HSP90AA1: variants seen among roughly 807,000 people sequenced by gnomAD.
HSP90AA1 encodes the protein heat shock protein 90 alpha family class A member 1, also known as heat shock protein HSP 90-alpha.
Under a neutral mutation model 73.3 loss-of-function variants are expected in HSP90AA1, and 18 were observed. That is an observed-to-expected ratio of 0.25 (90% confidence interval 0.17 to 0.36). HSP90AA1 has a LOEUF of 0.36. HSP90AA1 is among the 10% of genes least tolerant of loss of function. The probability of loss-of-function intolerance (pLI) is 1.00; values close to 1 mark genes in which losing one functional copy is unlikely to be tolerated. For missense variants in HSP90AA1, 704 were observed against 874.2 expected, an observed-to-expected ratio of 0.81 and a Z score of 2.45; for synonymous variants, 477 against 296.9, an observed-to-expected ratio of 1.61 and a Z score of -6.24.
chr14:102,117,254 G>C (rs1281441659), intron 1 of HSP90AA1, among the ~76,000 whole-genome samples: 1 of 152,078 alleles, frequency 6.6e-6, no homozygotes, highest in Non-Finnish European at 1.5e-5. Flanking sequence ...GAAAGGGGTG[G>C]GTCCCCAGTG....
chr14:102,090,698 G>A (rs1452727113), upstream of HSP90AA1, among the ~76,000 whole-genome samples: 8 of 152,160 alleles, frequency 5.3e-5, no homozygotes, highest in South Asian at 8.3e-4. Flanking sequence ...TGATCCGCCC[G>A]CCTTGGCCTC....
intron 1 of HSP90AA1, 24 bp downstream of exon 1, chr14:102,086,962 C>G: frequency 3.0e-6 from 3 of 983,812 alleles, no homozygotes; most frequent in Non-Finnish European, 3.6e-6. Flanking sequence ...TCCACCTCCA[C>G]AGGCCCCCAC....
intron 2 of HSP90AA1, 33 bp downstream of exon 2, chr14:102,086,184 C>A (rs760492871): frequency 6.2e-7 from 1 of 1,614,090 alleles, no homozygotes; most frequent in East Asian, 2.2e-5. Context: ...ACACTGAAAC[C>A]AAAATCCGAT....
upstream of HSP90AA1, among the ~76,000 whole-genome samples, chr14:102,088,822 A>G (rs1412999463): frequency 6.6e-6 from 1 of 151,560 alleles, no homozygotes; most frequent in Non-Finnish European, 1.5e-5. Context: ...AACTTTTCCT[A>G]CCGCAGTTTC....
At chr14:102,130,074 G>A (rs888393702) in intron 1 of HSP90AA1, among the ~76,000 whole-genome samples, 10 of 151,678 alleles carry the variant, frequency 6.6e-5, no homozygotes, top group African/African-American at 2.4e-4. Context: ...GGGTTCAAGC[G>A]ATTCTCCTGC....
At chr14:102,106,537 ATTTTTTT>A (rs10562409) in intron 1 of HSP90AA1, among the ~76,000 whole-genome samples, 2 of 79,810 alleles carry the variant, frequency 2.5e-5, no homozygotes, top group African/African-American at 9.7e-5. Context: ...TGTTGAGCTA[ATTTTTTT>A]TTTTTTTTTT....
chr14:102,092,135 C>T (rs1382638247), intron 2 of HSP90AA1, among the ~76,000 whole-genome samples: 1 of 151,382 alleles, frequency 6.6e-6, no homozygotes, highest in African/African-American at 2.4e-5. Context: ...GTCGCGTGCT[C>T]TTGGCTCACT....
intron 3 of HSP90AA1, 111 bp from the exon 4 acceptor site, chr14:102,085,542 G>A (rs1385452309): frequency 6.4e-6 from 8 of 1,251,992 alleles, no homozygotes; most frequent in Middle Eastern, 1.8e-4. Context: ...TACTACAGAT[G>A]CAAAGGCCAC....
At chr14:102,139,703 G>A (rs1402954786), upstream of HSP90AA1, 18 of 702,672 alleles carry the variant, frequency 2.6e-5, no homozygotes, top group Non-Finnish European at 3.9e-5. Flanking sequence ...GGAGCCTGCG[G>A]ACGCCCAGTC....
chr14:102,136,132 T>C (rs2089333250), intron 1 of HSP90AA1, among the ~76,000 whole-genome samples: 1 of 152,242 alleles, frequency 6.6e-6, no homozygotes, highest in Non-Finnish European at 1.5e-5. Flanking sequence ...GACAAAAGAA[T>C]ATGTAATGTC....
intron 2 of HSP90AA1, among the ~76,000 whole-genome samples, chr14:102,097,388 G>A (rs2049439322): frequency 6.6e-6 from 1 of 151,898 alleles, no homozygotes; most frequent in Non-Finnish European, 1.5e-5. Flanking sequence ...AGGGATTGTG[G>A]ATTGTGGACA....
intron 1 of HSP90AA1, among the ~76,000 whole-genome samples, chr14:102,111,815 C>T (rs1377434531): frequency 1.3e-5 from 2 of 152,182 alleles, no homozygotes; most frequent in Non-Finnish European, 2.9e-5. Flanking sequence ...CAATGAACAA[C>T]AGAGGCAAAG....
intron 1 of HSP90AA1, 67 bp from the exon 2 acceptor site, chr14:102,086,445 G>C: frequency 6.5e-7 from 1 of 1,528,880 alleles, no homozygotes; most frequent in Non-Finnish European, 9.1e-7. Flanking sequence ...AAATTCCATC[G>C]CGTTCTCCAA....
chr14:102,086,139 TATTA>T lies in HSP90AA1; in HGVS notation c.163-19_163-16del, dbSNP rs1250058731. ...TTGTCCAATGCCTGTTAACAAAAAA[TATTA>T]ATTTAAGCATACAGCACCCCCAAGA... On this transcript the variant is annotated splice_polypyrimidine_tract_variant and intron_variant, in intron 2 of 10. Transcript: ENST00000216281. 6.2e-7 allele frequency: 1 copy of T among 1,613,824 alleles called. No individual in the cohort carries two copies. The highest frequency in any genetic ancestry group is 1.7e-5 in the Admixed American group (1 of 59,994).
intron 1 of HSP90AA1, among the ~76,000 whole-genome samples, chr14:102,138,044 T>C (rs1028890122): frequency 6.6e-6 from 1 of 151,714 alleles, no homozygotes; most frequent in Non-Finnish European, 1.5e-5. Context: ...CCAAAGGCTA[T>C]GCATGAGACA....
At chr14:102,090,678 C>T (rs1354643068), upstream of HSP90AA1, among the ~76,000 whole-genome samples, 2 of 152,210 alleles carry the variant, frequency 1.3e-5, no homozygotes, top group African/African-American at 4.8e-5. Context: ...GTCTTGATCT[C>T]TTGACCTTGT....
chr14:102,082,550 TCTA>T (rs977014277), intron 9 of HSP90AA1, 106 bp from the exon 10 acceptor site: 11 of 811,194 alleles, frequency 1.4e-5, no homozygotes, highest in South Asian at 2.9e-5. Context: ...CAAAATACTA[TCTA>T]CTGTCAAATA....
intron 1 of HSP90AA1, among the ~76,000 whole-genome samples, chr14:102,134,549 G>T (rs539193498): frequency 6.6e-6 from 1 of 152,270 alleles, no homozygotes; most frequent in South Asian, 2.1e-4. Flanking sequence ...GTTCGGTTGT[G>T]TTCAGAGTTT....
chr14:102,092,006 CAT>C (rs1361840057), upstream of HSP90AA1, among the ~76,000 whole-genome samples: 2 of 151,574 alleles, frequency 1.3e-5, no homozygotes, highest in East Asian at 1.9e-4. Context: ...TTTCTTGACT[CAT>C]GGGTTATTTT....
Sources: allele counts gnomAD v4.1 joint callset (sites outside exome capture counted in the v4.1 genomes callset), GRCh38; gene constraint gnomAD v4.1.1; transcripts MANE v1.5; gene names NCBI Gene and HGNC (gene_info 2026-07-23, HGNC 2026-07-21).